AXL: variants seen among roughly 807,000 people sequenced by gnomAD.
AXL encodes tyrosine-protein kinase receptor UFO.
AXL carries 52 observed loss-of-function variants against 104.5 expected under a neutral mutation model. The ratio of observed to expected loss-of-function variants is 0.50; its 90% CI spans 0.40 to 0.63. The LOEUF (loss-of-function observed/expected upper bound fraction) is 0.63, where lower values mean the gene tolerates loss of function less well. AXL is among the 20% of genes least tolerant of loss of function. AXL has a pLI of 0.00. For missense variants in AXL, 1,024 were observed against 1,188.5 expected, an observed-to-expected ratio of 0.86 and a Z score of 2.04; for synonymous variants, 455 against 473.7, an observed-to-expected ratio of 0.96 and a Z score of 0.51.
intron 17 of AXL, 59 bp from the exon 18 acceptor site, chr19:41,256,393 A>G: frequency 6.3e-7 from 1 of 1,581,708 alleles, no homozygotes; most frequent in South Asian, 1.1e-5. Flanking sequence ...GAGCCAGGGC[A>G]GGCTTCCTGG....
At chr19:41,240,376 GTGGA>G (rs34483903) in intron 10 of AXL, among the ~76,000 whole-genome samples, 4 of 149,426 alleles carry the variant, frequency 2.7e-5, no homozygotes, top group Non-Finnish European at 4.5e-5. Context: ...GGGTAGATGG[GTGGA>G]TGGATGGATG....
intron 18 of AXL, among the ~76,000 whole-genome samples, chr19:41,257,029 G>A (rs1410348653): frequency 6.6e-6 from 1 of 152,064 alleles, no homozygotes; most frequent in Non-Finnish European, 1.5e-5. Flanking sequence ...CCCGTGTCAA[G>A]TATTTTTTAT....
At chr19:41,235,299 C>T (rs918222456) in intron 6 of AXL, among the ~76,000 whole-genome samples, 2 of 151,700 alleles carry the variant, frequency 1.3e-5, no homozygotes, top group African/African-American at 4.8e-5. Flanking sequence ...TGCAGTGAGC[C>T]GAGATCATGC....
chr19:41,238,492 CATT>C lies in AXL; in HGVS notation c.1019_1021del (p.Ile340del). On this transcript the variant is annotated inframe_deletion, in exon 8 of 20. Coordinates refer to ENST00000301178, the MANE Select transcript of AXL (RefSeq NM_021913.5). ...CAGTGCCCCTGGGCCCCCCTGAGAACATTAGTGCTACGCGGAATGGGAGCCAGG... is the reference window on the plus strand; with the variant it reads ...CAGTGCCCCTGGGCCCCCCTGAGAACAGTGCTACGCGGAATGGGAGCCAGG... 1 of 1,613,702 alleles carries C rather than the reference CATT, an allele frequency of 6.2e-7. No homozygotes were observed. Among genetic ancestry groups the C allele is most frequent in the Non-Finnish European group, 8.5e-7 (1 of 1,179,682 alleles).
chr19:41,243,896 T>C, intron 12 of AXL, 189 bp downstream of exon 12: 1 of 564,900 alleles, frequency 1.8e-6, no homozygotes, highest in Non-Finnish European at 3.2e-6. Flanking sequence ...AATAGAATCT[T>C]AGACACAGTA....
In AXL at chr19:41,248,572, C is replaced by G. The variant is rs778936306; in HGVS notation, c.1596C>G (p.Asp532Glu). The G allele has an allele frequency of 4.3e-6, 7 of 1,614,122 alleles. No homozygotes were observed. The highest frequency in any genetic ancestry group is 5.1e-6 in the Non-Finnish European group (6 of 1,180,030). ...LKEKLRDVMV[D>E]RHKVALGKTL... ...AGAAGCTGCGGGATGTGATGGTGGA[C>G]CGGCACAAGGTGGCCCTGGGGAAGA... Residue 532 changes from aspartate to glutamate, a missense_variant, in exon 13 of 20, where the codon GAC (aspartate) becomes GAG (glutamate). Transcript: ENST00000301178.
At position 41,259,835 on chromosome 19, in the gene AXL, A is replaced by T. The variant is rs756184953; in HGVS notation, c.2616A>T (p.Thr872=). Residue 872 remains threonine (T), a synonymous_variant, in exon 20 of 20, where the codon ACA becomes ACT. Transcript: ENST00000301178. ...GACGCTATGTCCTCTGCCCTTCCACAACCCCTAGCCCCGCTCAGCCTGCTG... is the reference window on the plus strand; with the variant it reads ...GACGCTATGTCCTCTGCCCTTCCACTACCCCTAGCCCCGCTCAGCCTGCTG... The part of the protein sequence containing the change: ...PAGRYVLCPS[T]TPSPAQPADR... 2 of 1,613,350 alleles carry T rather than the reference A, an allele frequency of 1.2e-6. No individual in the cohort carries two copies. The highest frequency in any genetic ancestry group is 4.5e-5 in the East Asian group (2 of 44,852).
chr19:41,234,762 A>T (rs2034050339), intron 6 of AXL, among the ~76,000 whole-genome samples: 1 of 152,210 alleles, frequency 6.6e-6, no homozygotes, highest in Non-Finnish European at 1.5e-5. Context: ...AGATCCAAGG[A>T]ATCTGGCTTT....
At chr19:41,235,776 G>A (rs1303696121) in intron 6 of AXL, among the ~76,000 whole-genome samples, 3 of 152,164 alleles carry the variant, frequency 2.0e-5, no homozygotes, top group Non-Finnish European at 4.4e-5. Context: ...CTGTACAGTG[G>A]GAATAAGCAT....
intron 15 of AXL, 61 bp downstream of exon 15, chr19:41,252,504 AG>A: frequency 6.4e-7 from 1 of 1,555,140 alleles, no homozygotes; most frequent in African/African-American, 1.4e-5. Flanking sequence ...CAGAGGGAAG[AG>A]CCCTGCTTCT....
chr19:41,230,703 C>G (rs1007673823), intron 4 of AXL, among the ~76,000 whole-genome samples: 1 of 151,558 alleles, frequency 6.6e-6, no homozygotes, highest in African/African-American at 2.4e-5. Flanking sequence ...GTGCCTGTGC[C>G]TGTGTGTGTC....
At chr19:41,252,164 TAC>T (rs896690818) in intron 14 of AXL, among the ~76,000 whole-genome samples, 185 bp from the exon 15 acceptor site, 5 of 146,286 alleles carry the variant, frequency 3.4e-5, no homozygotes, top group African/African-American at 7.5e-5. Flanking sequence ...ATATATTATA[TAC>T]ACACACACAG....
chr19:41,244,853 G>C (rs1372713087), intron 12 of AXL, among the ~76,000 whole-genome samples: 1 of 151,910 alleles, frequency 6.6e-6, no homozygotes, highest in Non-Finnish European at 1.5e-5. Flanking sequence ...GAGTGGTTAA[G>C]TCACTTGCCC....
chr19:41,248,472 A>T (rs377363256), intron 12 of AXL, 42 bp from the exon 13 acceptor site: 40 of 1,587,500 alleles, frequency 2.5e-5, no homozygotes, highest in Non-Finnish European at 2.9e-5. Flanking sequence ...CCTGAATGTC[A>T]GCCCTGCTCC....
In AXL at chr19:41,242,949, C is replaced by A. The variant is rs1351352092; in HGVS notation, c.1379C>A (p.Ala460Asp). The change falls in exon 11 of 20, where the codon GCC becomes GAC. Residue 460 changes from alanine to aspartate, a missense_variant. Transcript: ENST00000301178. ...TATGTACTGCTAGGAGCAGTCGTGG[C>A]CGCTGCCTGTGTCCTCATCTTGGCT... ...WWYVLLGAVV[A>D]AACVLILALF... The A allele has an allele frequency of 6.2e-7, 1 of 1,614,172 alleles. No homozygotes were observed. The highest frequency in any genetic ancestry group is 1.1e-5 in the South Asian group (1 of 91,084).
chr19:41,225,295 G>A (rs377191612), intron 4 of AXL, among the ~76,000 whole-genome samples: 9 of 152,292 alleles, frequency 5.9e-5, no homozygotes, highest in Admixed American at 5.2e-4. Flanking sequence ...GTGAGCCACC[G>A]CACCCAGCGC....
At chr19:41,221,445 T>TG in intron 3 of AXL, 199 bp downstream of exon 3, 4 of 557,896 alleles carry the variant, frequency 7.2e-6, no homozygotes, top group Non-Finnish European at 1.3e-5. Flanking sequence ...GTGCCAAGGC[T>TG]GGGGGATTAT....
Position 41,231,299 on chromosome 19 carries a change from G to A in AXL, c.783+1G>A, listed in dbSNP as rs1444036042. 6.2e-7 allele frequency: 1 copy of A among 1,610,536 alleles called. No individual in the cohort carries two copies. The highest frequency in any genetic ancestry group is 8.5e-7 in the Non-Finnish European group (1 of 1,177,910). On this transcript the variant is annotated splice_donor_variant, in intron 6 of 19. Coordinates refer to ENST00000301178, the MANE Select transcript of AXL (RefSeq NM_021913.5). LOFTEE classifies it high-confidence loss of function. ...CCCCCTGACCCACTGCACCCTGCAGGTGAGACTCCCAAACTTGGTTCATTT... is the reference window on the plus strand; with the variant it reads ...CCCCCTGACCCACTGCACCCTGCAGATGAGACTCCCAAACTTGGTTCATTT...
In AXL at chr19:41,249,193, A is replaced by T. The variant is rs539274918; in HGVS notation, c.1711+373A>T. 6.8e-4 allele frequency among the ~76,000 whole-genome samples: 103 copies of T among 152,160 alleles called. 1 individual carries two copies. The highest frequency in any genetic ancestry group is 2.4e-3 in the African/African-American group (100 of 41,514). On this transcript the variant is annotated intron_variant, in intron 14 of 19. Coordinates refer to ENST00000301178, the MANE Select transcript of AXL (RefSeq NM_021913.5). Reference sequence around the variant, plus strand: ...GTGGGAGCTAAAAACCCAGAATAGCACTTTGGGAGGCCGAGGCAGCAGATC... The same window carrying T: ...GTGGGAGCTAAAAACCCAGAATAGCTCTTTGGGAGGCCGAGGCAGCAGATC...
Sources: gnomAD v4.1 joint callset for allele counts (sites outside exome capture counted in the v4.1 genomes callset) on GRCh38, gnomAD v4.1.1 for gene constraint, MANE v1.5 for transcripts, NCBI Gene and HGNC (gene_info 2026-07-23, HGNC 2026-07-21) for gene names.